The following DPP10 variants were observed in gnomAD, a reference collection of about 807,000 sequenced individuals.
The protein encoded by DPP10 is dipeptidyl peptidase like 10, also known as inactive dipeptidyl peptidase 10.
A neutral mutation model predicts 120.9 loss-of-function variants in DPP10; 33 were observed. The observed-to-expected ratio is 0.27, with a 90% CI of 0.21 to 0.37. The LOEUF is 0.37. Ranked by LOEUF, DPP10 falls within the 10% of genes least tolerant of loss-of-function variation. DPP10 has a pLI of 1.00. For missense variants in DPP10, 816 were observed against 942.8 expected (o/e 0.87, Z 1.76); for synonymous variants, 337 against 326.1 (o/e 1.03, Z -0.36).
chr2:115,834,053 G>A (rs1368076547), intron 21 of DPP10, among the ~76,000 whole-genome samples: 1 of 152,158 alleles, frequency 6.6e-6, no homozygotes, highest in Non-Finnish European at 1.5e-5. Context: ...GCACTTTGAA[G>A]TAGCTTATAT....
At chr2:115,387,709 T>G (rs2067043249) in intron 3 of DPP10, among the ~76,000 whole-genome samples, 1 of 152,118 alleles carries the variant, frequency 6.6e-6, no homozygotes, top group African/African-American at 2.4e-5. Context: ...GATTTAGGAG[T>G]CATAGCCATG....
At chr2:115,279,638 T>TTTCTTTTTTTCTTC (rs1243218456) in intron 1 of DPP10, among the ~76,000 whole-genome samples, 2 of 148,702 alleles carry the variant, frequency 1.3e-5, no homozygotes, top group East Asian at 4.0e-4. Flanking sequence ...TCTTTCTTTC[T>TTTCTTTTTTTCTTC]TTCTTTTTTT....
intron 1 of DPP10, among the ~76,000 whole-genome samples, chr2:115,138,034 CTG>C (rs1251522904): frequency 6.6e-6 from 1 of 152,124 alleles, no homozygotes; most frequent in Non-Finnish European, 1.5e-5. Flanking sequence ...ATGCATAACA[CTG>C]TATTAAGATG....
chr2:114,602,717 A>G (rs1692470534), intron 1 of DPP10, among the ~76,000 whole-genome samples: 1 of 152,014 alleles, frequency 6.6e-6, no homozygotes, highest in African/African-American at 2.4e-5. Flanking sequence ...CTTCAATTTC[A>G]TGAGTAGAGA....
chr2:114,638,108 A>G (rs1217399861), intron 1 of DPP10, among the ~76,000 whole-genome samples: 1 of 151,890 alleles, frequency 6.6e-6, no homozygotes, highest in East Asian at 1.9e-4. Flanking sequence ...CTTCTAATCA[A>G]TGAGCATGGA....
At chr2:115,485,405 C>T (rs554486209) in intron 3 of DPP10, among the ~76,000 whole-genome samples, 141 of 152,198 alleles carry the variant, frequency 9.3e-4, no homozygotes, top group African/African-American at 3.3e-3. Flanking sequence ...CATCCTATAA[C>T]TATTTCTTTG....
chr2:115,321,271 A>G (rs372444876), intron 2 of DPP10, among the ~76,000 whole-genome samples: 3 of 152,204 alleles, frequency 2.0e-5, no homozygotes, highest in Non-Finnish European at 2.9e-5. Flanking sequence ...ATTGCACTCC[A>G]GCCTGGGCAA....
intron 5 of DPP10, among the ~76,000 whole-genome samples, chr2:115,665,895 T>A (rs1481788040): frequency 1.3e-5 from 2 of 152,172 alleles, no homozygotes; most frequent in Admixed American, 1.3e-4. Flanking sequence ...ATTTCTTTTT[T>A]ATAAATTGTT....
intron 1 of DPP10, among the ~76,000 whole-genome samples, chr2:114,902,961 C>G (rs1693696910): frequency 1.3e-5 from 2 of 152,136 alleles, no homozygotes; most frequent in South Asian, 4.1e-4. Context: ...AGTTATCCCT[C>G]CCTCCTCCCT....
At chr2:115,764,154 A>C (rs1198464519) in intron 12 of DPP10, among the ~76,000 whole-genome samples, 3 of 152,030 alleles carry the variant, frequency 2.0e-5, no homozygotes, top group Admixed American at 2.0e-4. Flanking sequence ...ATACAAGGAC[A>C]TGAGGATGTT....
At chr2:114,546,217 G>A (rs1037643359) in intron 1 of DPP10, among the ~76,000 whole-genome samples, 5 of 152,272 alleles carry the variant, frequency 3.3e-5, no homozygotes, top group South Asian at 4.1e-4. Flanking sequence ...CAGGAAGCAT[G>A]ATGCTGGCAT....
intron 1 of DPP10, among the ~76,000 whole-genome samples, chr2:115,059,223 AAAG>A (rs141266837): frequency 0.34 from 52,173 of 151,722 alleles, 9,379 homozygotes; most frequent in South Asian, 0.52. Flanking sequence ...AAAGATTTAA[AAAG>A]AAGAAGAAGA....
chr2:115,342,979 C>A (rs2063523915), intron 2 of DPP10, among the ~76,000 whole-genome samples: 3 of 152,136 alleles, frequency 2.0e-5, no homozygotes, highest in Admixed American at 2.0e-4. Flanking sequence ...TAGTATATAT[C>A]CTTGACATTT....
At chr2:114,712,250 A>G (rs1256947329) in intron 1 of DPP10, among the ~76,000 whole-genome samples, 5 of 152,090 alleles carry the variant, frequency 3.3e-5, no homozygotes, top group Admixed American at 3.3e-4. Flanking sequence ...AACTCAGGAG[A>G]TGGAGGTTGC....
At chr2:115,580,561 C>T (rs534121784) in intron 5 of DPP10, among the ~76,000 whole-genome samples, 5 of 152,262 alleles carry the variant, frequency 3.3e-5, no homozygotes, top group African/African-American at 9.6e-5. Flanking sequence ...TGCAGGCACG[C>T]TGGCTTCCCT....
At chr2:114,504,362 T>C (rs1414387878) in intron 1 of DPP10, among the ~76,000 whole-genome samples, 1 of 152,188 alleles carries the variant, frequency 6.6e-6, no homozygotes, top group Non-Finnish European at 1.5e-5. Flanking sequence ...TAATCCACTT[T>C]TCTCTTTCTG....
intron 19 of DPP10, among the ~76,000 whole-genome samples, chr2:115,810,439 G>A (rs1378330684): frequency 1.3e-5 from 2 of 152,010 alleles, no homozygotes; most frequent in East Asian, 1.9e-4. Flanking sequence ...TATAAATGAT[G>A]TTTTTTATGT....
At chr2:115,122,862 C>G (rs1459951819) in intron 1 of DPP10, among the ~76,000 whole-genome samples, 1 of 152,166 alleles carries the variant, frequency 6.6e-6, no homozygotes, top group African/African-American at 2.4e-5. Flanking sequence ...AAGGTCCTTC[C>G]CAACCCCATG....
At chr2:115,621,717 G>C (rs1032278825) in intron 5 of DPP10, among the ~76,000 whole-genome samples, 1 of 151,968 alleles carries the variant, frequency 6.6e-6, no homozygotes, top group Non-Finnish European at 1.5e-5. Flanking sequence ...TTCGCTCTTC[G>C]TGCCCAGGCT....
Sources: allele counts gnomAD v4.1 joint callset (sites outside exome capture counted in the v4.1 genomes callset), GRCh38; gene constraint gnomAD v4.1.1; transcripts MANE v1.5; gene names NCBI Gene and HGNC (gene_info 2026-07-23, HGNC 2026-07-21).